The following DYNC1I1 variants were observed in gnomAD, a reference collection of about 807,000 sequenced individuals.
The protein encoded by DYNC1I1 is dynein cytoplasmic 1 intermediate chain 1, also known as cytoplasmic dynein 1 intermediate chain 1.
Under a neutral mutation model 86.6 loss-of-function variants are expected in DYNC1I1, and 43 were observed. The observed-to-expected ratio is 0.50, with a 90% CI of 0.39 to 0.64. The LOEUF (loss-of-function observed/expected upper bound fraction) is 0.64, where lower values mean the gene tolerates loss of function less well. Among genes scored for constraint, DYNC1I1 ranks in the 30% least tolerant of loss-of-function variants. The pLI, the probability that DYNC1I1 is intolerant of heterozygous loss-of-function variation, is 0.00. For synonymous variants in DYNC1I1, 262 were observed against 283.7 expected (o/e 0.92, Z 0.77); for missense variants, 604 against 788.8 (o/e 0.77, Z 2.81).
intron 6 of DYNC1I1, among the ~76,000 whole-genome samples, chr7:95,918,177 A>G (rs1393832804): frequency 6.6e-6 from 1 of 151,928 alleles, no homozygotes; most frequent in African/African-American, 2.4e-5. Flanking sequence ...AAAAAACCTT[A>G]CTCTTCTGTT....
chr7:96,083,660 G>A (rs969461659), intron 16 of DYNC1I1, among the ~76,000 whole-genome samples: 2 of 152,172 alleles, frequency 1.3e-5, no homozygotes, highest in African/African-American at 4.8e-5. Context: ...TGGAATTAGA[G>A]GTCTGATCTA....
chr7:95,872,741 T>G (rs1790205404), intron 6 of DYNC1I1, among the ~76,000 whole-genome samples: 1 of 152,204 alleles, frequency 6.6e-6, no homozygotes, highest in Non-Finnish European at 1.5e-5. Context: ...TGGCCAACAC[T>G]GACTTGGAGA....
chr7:95,993,402 T>C (rs1052066583), intron 9 of DYNC1I1, among the ~76,000 whole-genome samples: 4 of 152,156 alleles, frequency 2.6e-5, no homozygotes, highest in Admixed American at 2.6e-4. Context: ...GAGACCCAGC[T>C]GGGTGATATT....
At chr7:95,837,793 TC>T (rs1789152539) in intron 5 of DYNC1I1, 1 of 153,848 alleles carries the variant, frequency 6.5e-6, no homozygotes, top group African/African-American at 2.4e-5. Context: ...CCCTTGTGCT[TC>T]CCCAGTGAGG....
At chr7:95,839,591 C>T (rs1261683545) in intron 5 of DYNC1I1, among the ~76,000 whole-genome samples, 2 of 152,138 alleles carry the variant, frequency 1.3e-5, no homozygotes, top group African/African-American at 4.8e-5. Context: ...GAACCAAAAG[C>T]TGTTTACCCA....
chr7:95,862,303 T>G (rs1789904168), intron 5 of DYNC1I1, among the ~76,000 whole-genome samples: 1 of 152,126 alleles, frequency 6.6e-6, no homozygotes, highest in Admixed American at 6.5e-5. Flanking sequence ...GTCATGTATT[T>G]GATAAAGTTC....
chr7:96,017,101 A>C (rs1232146236), intron 10 of DYNC1I1, among the ~76,000 whole-genome samples: 1 of 152,178 alleles, frequency 6.6e-6, no homozygotes, highest in East Asian at 1.9e-4. Context: ...GTCAAATTGG[A>C]ACTCTTTCTT....
chr7:95,915,294 G>C (rs781201011), intron 6 of DYNC1I1, among the ~76,000 whole-genome samples: 13 of 152,220 alleles, frequency 8.5e-5, no homozygotes, highest in Non-Finnish European at 1.5e-4. Flanking sequence ...AGTATTTACA[G>C]ATCAGGAGCC....
chr7:95,923,601 A>G (rs1198319104), intron 6 of DYNC1I1, among the ~76,000 whole-genome samples: 1 of 152,148 alleles, frequency 6.6e-6, no homozygotes, highest in Non-Finnish European at 1.5e-5. Flanking sequence ...GTTGTGTTAC[A>G]TGGAGGAATA....
intron 6 of DYNC1I1, among the ~76,000 whole-genome samples, chr7:95,890,796 C>T (rs774629762): frequency 2.0e-5 from 3 of 152,088 alleles, no homozygotes; most frequent in East Asian, 1.9e-4. Context: ...ATCTGCATTT[C>T]GAACAGGTTC....
At chr7:96,078,661 C>T (rs572073417) in intron 15 of DYNC1I1, among the ~76,000 whole-genome samples, 8 of 151,862 alleles carry the variant, frequency 5.3e-5, no homozygotes, top group East Asian at 1.9e-4. Context: ...TTGTTATATT[C>T]GTATTAAGAT....
intron 1 of DYNC1I1, among the ~76,000 whole-genome samples, chr7:95,775,120 G>A (rs575530379): frequency 9.8e-5 from 15 of 152,308 alleles, no homozygotes; most frequent in Non-Finnish European, 2.1e-4. Flanking sequence ...GATATTGTTT[G>A]TAATCCTGTT....
At chr7:96,040,580 A>G (rs1789009477) in intron 14 of DYNC1I1, among the ~76,000 whole-genome samples, 1 of 152,158 alleles carries the variant, frequency 6.6e-6, no homozygotes, top group Non-Finnish European at 1.5e-5. Flanking sequence ...AGAGCTTTGC[A>G]TATGTTGAGC....
At chr7:96,058,438 A>G (rs1219371095) in intron 14 of DYNC1I1, among the ~76,000 whole-genome samples, 1 of 152,194 alleles carries the variant, frequency 6.6e-6, no homozygotes, top group Non-Finnish European at 1.5e-5. Context: ...GTTTCATGTA[A>G]CTTAAATACA....
intron 10 of DYNC1I1, among the ~76,000 whole-genome samples, chr7:96,024,183 T>C (rs970252385): frequency 2.6e-5 from 4 of 152,188 alleles, no homozygotes; most frequent in Non-Finnish European, 5.9e-5. Context: ...AAAATTACTT[T>C]GATTAGTTAA....
In DYNC1I1 at chr7:95,971,653, G is replaced by A. The variant is rs1187811736; in HGVS notation, c.491-5859G>A. 2.6e-5 allele frequency among the ~76,000 whole-genome samples: 4 copies of A among 152,104 alleles called. No individual in the cohort carries two copies. In the East Asian group the frequency reaches 7.7e-4, roughly 29 times the overall value. ...TTCTATTCATTTCATAAGCCACAAC[G>A]TATTTGATCATTTCTAACATTCACA... On this transcript the variant is annotated intron_variant, in intron 6 of 16. Coordinates refer to ENST00000447467, the MANE Select transcript of DYNC1I1 (RefSeq NM_001135556.2).
intron 16 of DYNC1I1, among the ~76,000 whole-genome samples, chr7:96,081,218 A>G (rs551656359): frequency 6.6e-6 from 1 of 152,060 alleles, no homozygotes; most frequent in Admixed American, 6.5e-5. Context: ...ATTAATTAGA[A>G]TTTTGTGCCA....
chr7:95,926,583 G>A (rs898442981), intron 6 of DYNC1I1, among the ~76,000 whole-genome samples: 133 of 152,066 alleles, frequency 8.7e-4, no homozygotes, highest in African/African-American at 3.0e-3. Flanking sequence ...CTTTGAGAAG[G>A]TACAGTAACT....
chr7:95,842,890 AT>A (rs60165321), intron 5 of DYNC1I1, among the ~76,000 whole-genome samples: 74,451 of 149,674 alleles, frequency 0.5, 20,487 homozygotes, highest in African/African-American at 0.73. Context: ...GACATTGTGA[AT>A]TTTTTTTTTT....
Sources: gnomAD v4.1 joint callset for allele counts (sites outside exome capture counted in the v4.1 genomes callset) on GRCh38, gnomAD v4.1.1 for gene constraint, MANE v1.5 for transcripts, NCBI Gene and HGNC (gene_info 2026-07-23, HGNC 2026-07-21) for gene names.